GNAI1: variants seen among roughly 807,000 people sequenced by gnomAD.
GNAI1 encodes G protein subunit alpha i1, also known as guanine nucleotide-binding protein G(i) subunit alpha-1.
Under a neutral mutation model 38.9 loss-of-function variants are expected in GNAI1, and 11 were observed. The observed-to-expected ratio is 0.28, with a 90% CI of 0.18 to 0.47. GNAI1 has a LOEUF of 0.47. Among genes scored for constraint, GNAI1 ranks in the 20% least tolerant of loss-of-function variants. The pLI is 0.99. For synonymous variants in GNAI1, 166 were observed against 145.1 expected (o/e 1.14, Z -1.04); for missense variants, 317 against 436.9 (o/e 0.73, Z 2.45).
chr7:80,172,144 T>C (rs988629153), intron 1 of GNAI1, among the ~76,000 whole-genome samples: 1 of 152,240 alleles, frequency 6.6e-6, no homozygotes, highest in East Asian at 1.9e-4. Context: ...GTCCTGGCTA[T>C]GTCTATGAAA....
intron 3 of GNAI1, among the ~76,000 whole-genome samples, chr7:80,198,426 G>C (rs892030263): frequency 6.6e-6 from 1 of 152,084 alleles, no homozygotes; most frequent in South Asian, 2.1e-4. Context: ...TCCACACACT[G>C]ATTTAGAGTG....
intron 1 of GNAI1, among the ~76,000 whole-genome samples, chr7:80,186,397 A>G (rs935883309): frequency 6.6e-6 from 1 of 152,156 alleles, no homozygotes; most frequent in African/African-American, 2.4e-5. Context: ...TGGATGTGCA[A>G]TGCAAAGTAA....
chr7:80,184,202 G>A (rs942643415), intron 1 of GNAI1, among the ~76,000 whole-genome samples: 1 of 152,190 alleles, frequency 6.6e-6, no homozygotes, highest in African/African-American at 2.4e-5. Flanking sequence ...TAGGGAGACC[G>A]AGAAGTTTTA....
rs1396273325 is a variant in GNAI1 at position 80,220,863 on chromosome 7, C to T, written c.*3370C>T. On this transcript the variant is annotated 3_prime_UTR_variant, in exon 8 of 8. Coordinates refer to ENST00000649796, the MANE Select transcript of GNAI1 (RefSeq NM_002069.6). Reference sequence around the variant, plus strand: ...TCCAGAAAATGTGTAAGTAGTGTTTCGCCTATCCCCACTCTGCCCTTGAGT... The same window carrying T: ...TCCAGAAAATGTGTAAGTAGTGTTTTGCCTATCCCCACTCTGCCCTTGAGT... 6.6e-6 allele frequency among the ~76,000 whole-genome samples: 1 copy of T among 152,128 alleles called. No individual in the cohort carries two copies. The highest frequency in any genetic ancestry group is 1.9e-4 in the East Asian group (1 of 5,192).
intron 1 of GNAI1, among the ~76,000 whole-genome samples, chr7:80,181,150 TG>T (rs1306434892): frequency 6.6e-6 from 1 of 152,154 alleles, no homozygotes; most frequent in Non-Finnish European, 1.5e-5. Flanking sequence ...GTAAAATTTT[TG>T]TTTGCTGGTT....
chr7:80,197,074 A>C (rs1034039593), intron 3 of GNAI1, among the ~76,000 whole-genome samples: 1 of 150,646 alleles, frequency 6.6e-6, no homozygotes, highest in Admixed American at 6.6e-5. Flanking sequence ...ATGTCTCTCT[A>C]TTTTCTCTTT....
chr7:80,159,334 A>G (rs1268086897), intron 1 of GNAI1, among the ~76,000 whole-genome samples: 1 of 152,118 alleles, frequency 6.6e-6, no homozygotes, highest in Non-Finnish European at 1.5e-5. Flanking sequence ...TTTTAATCCA[A>G]GCTGTGTACA....
intron 1 of GNAI1, among the ~76,000 whole-genome samples, chr7:80,172,642 A>T (rs1198141589): frequency 6.6e-6 from 1 of 152,168 alleles, no homozygotes; most frequent in Non-Finnish European, 1.5e-5. Context: ...GAATTTAAAG[A>T]TACTTGCAAA....
chr7:80,154,281 G>A (rs1487241655), intron 1 of GNAI1, among the ~76,000 whole-genome samples: 4 of 152,114 alleles, frequency 2.6e-5, no homozygotes, highest in Non-Finnish European at 4.4e-5. Context: ...TTATTTTATG[G>A]TTATAATGTC....
At chr7:80,155,467 G>A (rs938149838) in intron 1 of GNAI1, among the ~76,000 whole-genome samples, 3 of 152,084 alleles carry the variant, frequency 2.0e-5, no homozygotes, top group African/African-American at 4.8e-5. Context: ...TTTCCGTTAG[G>A]TAGTTAGAGG....
intron 5 of GNAI1, among the ~76,000 whole-genome samples, chr7:80,205,692 C>G (rs951229939): frequency 4.0e-5 from 6 of 151,812 alleles, no homozygotes; most frequent in Non-Finnish European, 1.5e-5. Context: ...AACTCCATCC[C>G]CACAATACCA....
At chr7:80,166,662 TC>T (rs1315637421) in intron 1 of GNAI1, among the ~76,000 whole-genome samples, 1 of 152,184 alleles carries the variant, frequency 6.6e-6, no homozygotes, top group East Asian at 1.9e-4. Context: ...TTACTTTTAG[TC>T]CCTTAAAATG....
At chr7:80,140,186 G>T (rs1417357989) in intron 1 of GNAI1, among the ~76,000 whole-genome samples, 1 of 151,858 alleles carries the variant, frequency 6.6e-6, no homozygotes, top group African/African-American at 2.4e-5. Context: ...GGGTTTCACC[G>T]TGTTAGCCCG....
chr7:80,217,571 C>G lies in GNAI1; in HGVS notation c.*78C>G. On this transcript the variant is annotated 3_prime_UTR_variant, in exon 8 of 8. Transcript: ENST00000649796. ...TGGATCTCTGTAGACTAGAGTCTTG[C>G]AGCAACACAGAATGTAATATAAGGC... is the stretch of plus-strand genomic sequence containing the variant. 2 of 741,292 alleles carry G rather than the reference C, an allele frequency of 2.7e-6. No homozygotes were observed. The highest frequency in any genetic ancestry group is 5.2e-5 in the South Asian group (2 of 38,182). The allele number at this position is 741,292 out of a possible 1,614,324, so 45.9% of individuals were successfully genotyped here.
intron 3 of GNAI1, among the ~76,000 whole-genome samples, chr7:80,193,087 C>T (rs6467043): frequency 0.94 from 142,773 of 152,012 alleles, 67,144 homozygotes; most frequent in East Asian, 1. Context: ...ATTTCTATGG[C>T]TTCATGGATT....
chr7:80,155,515 T>C (rs1275701094), intron 1 of GNAI1, among the ~76,000 whole-genome samples: 2 of 152,336 alleles, frequency 1.3e-5, no homozygotes, highest in East Asian at 3.9e-4. Flanking sequence ...TTCATCAGGA[T>C]TAAACAAACT....
intron 3 of GNAI1, among the ~76,000 whole-genome samples, chr7:80,191,285 C>T (rs867530669): frequency 1.3e-4 from 19 of 151,876 alleles, no homozygotes; most frequent in South Asian, 1.0e-3. Flanking sequence ...GGCCTGGACA[C>T]GAGGAAGGGG....
chr7:80,163,317 G>C (rs1787954782), intron 1 of GNAI1, among the ~76,000 whole-genome samples: 1 of 152,072 alleles, frequency 6.6e-6, no homozygotes, highest in South Asian at 2.1e-4. Flanking sequence ...CTGTGGGTAG[G>C]TTCATACCTG....
At chr7:80,192,149 G>A (rs1377144751) in intron 3 of GNAI1, among the ~76,000 whole-genome samples, 1 of 152,072 alleles carries the variant, frequency 6.6e-6, no homozygotes, top group Non-Finnish European at 1.5e-5. Flanking sequence ...TTTTGAAATA[G>A]TACATTACAG....
Sources: allele counts gnomAD v4.1 joint callset (sites outside exome capture counted in the v4.1 genomes callset), GRCh38; gene constraint gnomAD v4.1.1; transcripts MANE v1.5; gene names NCBI Gene and HGNC (gene_info 2026-07-23, HGNC 2026-07-21).